ZNF853: variants seen among roughly 807,000 people sequenced by gnomAD.
ZNF853 encodes the protein zinc finger protein 853.
A neutral mutation model predicts 94.7 loss-of-function variants in ZNF853; 57 were observed. The observed-to-expected ratio is 0.60, with a 90% CI of 0.49 to 0.75. ZNF853 has a LOEUF of 0.75. Ranked by LOEUF, ZNF853 falls within the 30% of genes least tolerant of loss-of-function variation. ZNF853 has a pLI of 0.00. For missense variants in ZNF853, 785 were observed against 868.9 expected, an observed-to-expected ratio of 0.90 and a Z score of 1.21; for synonymous variants, 448 against 406.3, an observed-to-expected ratio of 1.10 and a Z score of -1.23.
In ZNF853 at chr7:6,621,414, GCACCAT is replaced by G; in HGVS notation, c.426_431del (p.His142_His143del). The G allele has an allele frequency of 6.4e-7, 1 of 1,551,750 alleles. No homozygotes were observed. The highest frequency in any genetic ancestry group is 1.2e-5 in the South Asian group (1 of 84,060). ...TACAACAGGAAAAACACCAATCCGT[GCACCAT>G]CAGGAACTGAAACCAGAACTGCAGC... On this transcript the variant is annotated inframe_deletion, in exon 3 of 3. Transcript: ENST00000457543.
chr7:6,616,606 G>T, intron 1 of ZNF853, among the ~76,000 whole-genome samples: 1 of 152,008 alleles, frequency 6.6e-6, no homozygotes, highest in Non-Finnish European at 1.5e-5. Flanking sequence ...GTGATGGCAC[G>T]CACCTGTAGC....
Position 6,621,139 on chromosome 7 carries a change from G to A in ZNF853, c.148G>A (p.Glu50Lys). The change falls in exon 3 of 3, where the codon GAG (glutamate) becomes AAG (lysine). Residue 50 changes from glutamate to lysine, a missense_variant. By Grantham distance (56) the Glu-to-Lys change is moderately conservative (BLOSUM62 1). Coordinates refer to ENST00000457543, the MANE Select transcript of ZNF853 (RefSeq NM_017560.3). ...DTLSGGSGGS[E>K]SQEEEEPQER... is the part of the protein sequence containing the mutation. ...TTCCACAGGTGGCAGCGGTGGGAGC[G>A]AGAGTCAGGAGGAGGAAGAGCCTCA... The A allele has an allele frequency of 1.0e-5, 15 of 1,466,122 alleles. No homozygotes were observed. The highest frequency in any genetic ancestry group is 1.4e-5 in the Non-Finnish European group (15 of 1,109,220). The allele number at this position is 1,466,122 out of a possible 1,614,324, so 90.8% of individuals were successfully genotyped here. A position where few individuals can be genotyped will look rare whatever the true frequency, so the allele number is the denominator to read the frequency against.
intron 2 of ZNF853, among the ~76,000 whole-genome samples, chr7:6,619,199 C>T: frequency 2.0e-5 from 3 of 151,818 alleles, no homozygotes; most frequent in African/African-American, 7.3e-5. Flanking sequence ...GCCACCATGC[C>T]CGGCTAATTT....
rs773529194 is a variant in ZNF853 at position 6,621,849 on chromosome 7, A to ACAG, written c.870_872dup (p.Gln293dup). 14 of 1,550,704 alleles carry ACAG rather than the reference A, an allele frequency of 9.0e-6. No homozygotes were observed. Among genetic ancestry groups the ACAG allele is most frequent in the South Asian group, 3.6e-5 (3 of 84,016 alleles). On this transcript the variant is annotated inframe_insertion, in exon 3 of 3. Transcript: ENST00000457543. ...TACTGCTGCAGCAGCAGGAACAGTTACAGCAGCAGCAGCAACAGCAGCTGT... is the reference window on the plus strand; with the variant it reads ...TACTGCTGCAGCAGCAGGAACAGTTACAGCAGCAGCAGCAGCAACAGCAGCTGT...
intron 2 of ZNF853, among the ~76,000 whole-genome samples, chr7:6,620,463 C>T: frequency 6.6e-6 from 1 of 152,066 alleles, no homozygotes; most frequent in African/African-American, 2.4e-5. Context: ...AGTGCCAGTG[C>T]CGAGATCAGA....
At position 6,616,115 on chromosome 7, in the gene ZNF853, T is replaced by TCACCTCGCAGCCTC; in HGVS notation, c.-59_-46dup. On this transcript the variant is annotated 5_prime_UTR_variant, in exon 1 of 3. The change abolishes the stop of an existing upstream ORF in the 5' untranslated region. Coordinates refer to ENST00000457543, the MANE Select transcript of ZNF853 (RefSeq NM_017560.3). ...AGGAGCCGGCTGCACGCCGTGGCCT[T>TCACCTCGCAGCCTC]CACCTCGCAGCCTCTGCTGACCACA... The TCACCTCGCAGCCTC allele has an allele frequency of 6.6e-7, 1 of 1,520,444 alleles. No homozygotes were observed. The highest frequency in any genetic ancestry group is 8.9e-7 in the Non-Finnish European group (1 of 1,126,880). 94.2% of individuals were successfully genotyped at this position (1,520,444 alleles called of 1,614,324 possible).
chr7:6,621,333 A>C lies in ZNF853; in HGVS notation c.342A>C (p.Pro114=), dbSNP rs1782596487. 1 of 1,551,572 alleles carries C rather than the reference A, an allele frequency of 6.4e-7. No individual in the cohort carries two copies. Among genetic ancestry groups the C allele is most frequent in the Non-Finnish European group, 8.7e-7 (1 of 1,146,984 alleles). Residue 114 remains proline, a synonymous_variant, in exon 3 of 3, where the codon CCA becomes CCC. Coordinates refer to ENST00000457543, the MANE Select transcript of ZNF853 (RefSeq NM_017560.3). ...ACGAGCAGCTGCAACAGCCGCAGCC[A>C]CACCTAGAACTGCAACAGCAGCCGC... The part of the protein sequence containing the change: ...PQHEQLQQPQ[P]HLELQQQPQQ...
At position 6,622,871 on chromosome 7, in the gene ZNF853, G is replaced by C; in HGVS notation, c.1880G>C (p.Gly627Ala). The change falls in exon 3 of 3, where the codon GGC (glycine) becomes GCC (alanine). Residue 627 changes from glycine (G) to alanine (A), a missense_variant. Gly to Ala is a moderately conservative substitution (Grantham distance 60, BLOSUM62 0). Coordinates refer to ENST00000457543, the MANE Select transcript of ZNF853 (RefSeq NM_017560.3). ...CTGCACGGCGCGGGCCGCTCCAGGG[G>C]CCTCGGCCTGCTGCGCGCCTCGCGG... is the stretch of plus-strand genomic sequence containing the variant. ...RQLHGAGRSRGLGLLRASRPA... is the reference protein window; with the variant it reads ...RQLHGAGRSRALGLLRASRPA... 7.3e-7 allele frequency: 1 copy of C among 1,368,814 alleles called. No homozygotes were observed. Among genetic ancestry groups the C allele is most frequent in the South Asian group, 1.6e-5 (1 of 63,030 alleles). 84.8% of individuals were successfully genotyped at this position (1,368,814 alleles called of 1,614,324 possible).
In ZNF853 at chr7:6,621,248, A is replaced by C. The variant is rs773205955; in HGVS notation, c.257A>C (p.Gln86Pro). The change falls in exon 3 of 3, where the codon CAA becomes CCA. Residue 86 changes from glutamine (Q) to proline (P), a missense_variant. Coordinates refer to ENST00000457543, the MANE Select transcript of ZNF853 (RefSeq NM_017560.3). ...ATCGCTGAGGAAACCCGGCCGGGAC[A>C]ACGAGAGTTGCAACTGCAGCAGTTA... Reference protein sequence around the residue: ...SEIAEETRPGQRELQLQQLEQ... With the variant: ...SEIAEETRPGPRELQLQQLEQ... 1 of 1,549,106 alleles carries C rather than the reference A, an allele frequency of 6.5e-7. No homozygotes were observed. Among genetic ancestry groups the C allele is most frequent in the Non-Finnish European group, 8.7e-7 (1 of 1,145,420 alleles).
In ZNF853 at chr7:6,622,323, G is replaced by A; in HGVS notation, c.1332G>A (p.Gln444=). Reference sequence around the variant, plus strand: ...CTCCCCCGGGCTACGTGGTGGTGCAGGAGCTCATGGTGCTGCCCGCCGTGG... The same window carrying A: ...CTCCCCCGGGCTACGTGGTGGTGCAAGAGCTCATGGTGCTGCCCGCCGTGG... The part of the protein sequence containing the change: ...VVAPPGYVVV[Q]ELMVLPAVAA... Residue 444 remains glutamine (Q), a synonymous_variant, in exon 3 of 3, where the codon CAG becomes CAA. Transcript: ENST00000457543. The A allele has an allele frequency of 6.6e-7, 1 of 1,505,732 alleles. No homozygotes were observed. Among genetic ancestry groups the A allele is most frequent in the East Asian group, 2.6e-5 (1 of 39,068 alleles). The allele number at this position is 1,505,732 out of a possible 1,614,324, so 93.3% of individuals were successfully genotyped here.
rs947954821 is a variant in ZNF853, at chr7:6,621,882, G to C, written c.891G>C (p.Gln297His). Reference sequence around the variant, plus strand: ...AGCAGCAACAGCAGCTGTTGCAACAGCAGCAGGAACAATTGCAGCAGCAAC... The same window carrying C: ...AGCAGCAACAGCAGCTGTTGCAACACCAGCAGGAACAATTGCAGCAGCAAC... ...QQQQQQQLLQ[Q>H]QQEQLQQQQL... Residue 297 changes from glutamine (Q) to histidine (H), a missense_variant, in exon 3 of 3, where the codon CAG becomes CAC. Transcript: ENST00000457543. The C allele has an allele frequency of 1.8e-5, 28 of 1,550,902 alleles. No individual in the cohort carries two copies. Among genetic ancestry groups the C allele is most frequent in the Non-Finnish European group, 2.4e-5 (28 of 1,146,624 alleles).
chr7:6,623,294 AC>A lies in ZNF853; in HGVS notation c.*328del, dbSNP rs767330755. On this transcript the variant is annotated 3_prime_UTR_variant, in exon 3 of 3. Coordinates refer to ENST00000457543, the MANE Select transcript of ZNF853 (RefSeq NM_017560.3). The stretch of plus-strand genomic sequence containing the variant: ...CTGGACTTACTACGAACGAGGAAAA[AC>A]CCCCAGTGGCGAGACGATTAATGAC... 2.1e-4 allele frequency: 83 copies of A among 397,766 alleles called. No individual in the cohort carries two copies. Among genetic ancestry groups the A allele is most frequent in the Non-Finnish European group, 3.1e-4 (71 of 225,946 alleles). 24.6% of individuals were successfully genotyped at this position (397,766 alleles called of 1,614,324 possible).
chr7:6,621,327 G>A lies in ZNF853; in HGVS notation c.336G>A (p.Pro112=), dbSNP rs993876991. 1.5e-5 allele frequency: 23 copies of A among 1,551,546 alleles called. No homozygotes were observed. The East Asian group carries it at 1.7e-4, about 12-fold the overall frequency. The change falls in exon 3 of 3, where the codon CCG becomes CCA. Residue 112 remains proline, a synonymous_variant. Transcript: ENST00000457543. ...QQPQHEQLQQ[P]QPHLELQQQP... ...CGCAACACGAGCAGCTGCAACAGCCGCAGCCACACCTAGAACTGCAACAGC... is the reference window on the plus strand; with the variant it reads ...CGCAACACGAGCAGCTGCAACAGCCACAGCCACACCTAGAACTGCAACAGC...
In ZNF853 at chr7:6,623,550, C is replaced by A. The variant is rs955174468; in HGVS notation, c.*579C>A. 2.6e-6 allele frequency: 1 copy of A among 390,326 alleles called. No individual in the cohort carries two copies. The highest frequency in any genetic ancestry group is 2.1e-5 in the African/African-American group (1 of 48,542). 24.2% of individuals were successfully genotyped at this position (390,326 alleles called of 1,614,324 possible). ...GGTGGGTATAATTCTGATGAAAACGCCTGTGTTCATCAACACAGGGTCAGA... is the reference window on the plus strand; with the variant it reads ...GGTGGGTATAATTCTGATGAAAACGACTGTGTTCATCAACACAGGGTCAGA... On this transcript the variant is annotated 3_prime_UTR_variant, in exon 3 of 3. Coordinates refer to ENST00000457543, the MANE Select transcript of ZNF853 (RefSeq NM_017560.3).
Position 6,621,477 on chromosome 7 carries a change from G to A in ZNF853, c.486G>A (p.Gln162=). Residue 162 remains glutamine (Q), a synonymous_variant, in exon 3 of 3, where the codon CAG becomes CAA. Coordinates refer to ENST00000457543, the MANE Select transcript of ZNF853 (RefSeq NM_017560.3). The part of the protein sequence containing the change: ...LMHQQQQLQP[Q]QVQEQQRLQQ... ...ACCAGCAGCAACAGTTACAGCCACA[G>A]CAAGTGCAAGAGCAACAGCGGTTGC... is the stretch of plus-strand genomic sequence containing the variant. 6.4e-7 allele frequency: 1 copy of A among 1,551,824 alleles called. No individual in the cohort carries two copies. The highest frequency in any genetic ancestry group is 2.0e-5 in the Admixed American group (1 of 51,012).
chr7:6,621,454 C>T lies in ZNF853; in HGVS notation c.463C>T (p.Gln155Ter). The change falls in exon 3 of 3, where the codon CAG becomes TAG. Residue 155 changes from glutamine to a stop codon, truncating the protein, a stop_gained. Transcript: ENST00000457543. LOFTEE classifies it high-confidence loss of function. ...GAAACCAGAACTGCAGCTAATGCAC[C>T]AGCAGCAACAGTTACAGCCACAGCA... ...ELKPELQLMH[Q>*]QQQLQPQQVQ... 1 of 1,551,756 alleles carries T rather than the reference C, an allele frequency of 6.4e-7. No homozygotes were observed. Among genetic ancestry groups the T allele is most frequent in the South Asian group, 1.2e-5 (1 of 84,066 alleles).
At chr7:6,616,994 C>T in intron 1 of ZNF853, among the ~76,000 whole-genome samples, 196 bp from the exon 2 acceptor site, 1 of 152,146 alleles carries the variant, frequency 6.6e-6, no homozygotes, top group Non-Finnish European at 1.5e-5. Flanking sequence ...CTGCCAACTC[C>T]CCAGTCCTGA....
chr7:6,620,233 G>A, intron 2 of ZNF853, among the ~76,000 whole-genome samples: 4 of 152,170 alleles, frequency 2.6e-5, no homozygotes, highest in African/African-American at 9.7e-5. Flanking sequence ...GTGATTTTGG[G>A]AAACTACTTG....
Position 6,621,465 on chromosome 7 carries a change from G to C in ZNF853, c.474G>C (p.Gln158His), listed in dbSNP as rs1263643812. 6.4e-7 allele frequency: 1 copy of C among 1,551,784 alleles called. No homozygotes were observed. Among genetic ancestry groups the C allele is most frequent in the African/African-American group, 1.4e-5 (1 of 73,170 alleles). ...PELQLMHQQQ[Q>H]LQPQQVQEQQ... ...TGCAGCTAATGCACCAGCAGCAACA[G>C]TTACAGCCACAGCAAGTGCAAGAGC... Residue 158 changes from glutamine (Q) to histidine (H), a missense_variant, in exon 3 of 3, where the codon CAG becomes CAC. Coordinates refer to ENST00000457543, the MANE Select transcript of ZNF853 (RefSeq NM_017560.3).
Sources: gnomAD v4.1 joint callset for allele counts (sites outside exome capture counted in the v4.1 genomes callset) on GRCh38, gnomAD v4.1.1 for gene constraint, MANE v1.5 for transcripts, NCBI Gene and HGNC (gene_info 2026-07-23, HGNC 2026-07-21) for gene names.